The following SHISA9 variants were observed in gnomAD, a reference collection of about 807,000 sequenced individuals.
SHISA9 encodes the protein shisa family member 9.
A neutral mutation model predicts 38.0 loss-of-function variants in SHISA9; 13 were observed. The observed-to-expected ratio is 0.34, with a 90% CI of 0.22 to 0.54. The LOEUF (loss-of-function observed/expected upper bound fraction) is 0.54, where lower values mean the gene tolerates loss of function less well. SHISA9 is among the 20% of genes least tolerant of loss of function. The pLI is 0.91. For synonymous variants in SHISA9, 275 were observed against 242.0 expected (o/e 1.14, Z -1.27); for missense variants, 538 against 575.8 (o/e 0.93, Z 0.67).
At chr16:13,404,200 G>T in the SHISA9 span, among the ~76,000 whole-genome samples, 1 of 152,128 alleles carries the variant, frequency 6.6e-6, no homozygotes, top group Non-Finnish European at 1.5e-5. Context: ...TAGGGTATCT[G>T]TATGTAGCCA....
chr16:13,079,040 A>G (rs975312888), intron 2 of SHISA9, among the ~76,000 whole-genome samples: 6 of 152,194 alleles, frequency 3.9e-5, no homozygotes, highest in African/African-American at 1.4e-4. Flanking sequence ...GAGTTATTTA[A>G]TCCCTCTGAG....
At chr16:13,059,320 A>G (rs533225038) in intron 2 of SHISA9, among the ~76,000 whole-genome samples, 3 of 151,708 alleles carry the variant, frequency 2.0e-5, no homozygotes, top group Non-Finnish European at 2.9e-5. Flanking sequence ...GTAGAGACGG[A>G]GTTTCACTGT....
At chr16:13,426,252 T>C in the SHISA9 span, among the ~76,000 whole-genome samples, 8 of 152,200 alleles carry the variant, frequency 5.3e-5, no homozygotes, top group Non-Finnish European at 8.8e-5. Context: ...TCTCATTTAA[T>C]TCTCACAACA....
chr16:13,033,949 C>T (rs1476927095), intron 2 of SHISA9, among the ~76,000 whole-genome samples: 1 of 152,142 alleles, frequency 6.6e-6, no homozygotes, highest in Non-Finnish European at 1.5e-5. Flanking sequence ...AGTTTGCGAC[C>T]AGCCTAACTA....
chr16:13,011,337 G>C (rs919586730), intron 2 of SHISA9, among the ~76,000 whole-genome samples: 2 of 25,492 alleles, frequency 7.8e-5, no homozygotes, highest in African/African-American at 2.9e-4. Flanking sequence ...TTTTTTTTTT[G>C]GCAAGAGCAG....
the SHISA9 span, among the ~76,000 whole-genome samples, chr16:13,276,103 GT>G: frequency 8.6e-5 from 13 of 151,938 alleles, no homozygotes; most frequent in East Asian, 2.5e-3. Flanking sequence ...AGTCCCCAAA[GT>G]CCATTATCAT....
chr16:13,371,332 C>A, the SHISA9 span, among the ~76,000 whole-genome samples: 1 of 152,156 alleles, frequency 6.6e-6, no homozygotes, highest in Non-Finnish European at 1.5e-5. Context: ...GATTCTGATG[C>A]AATAGGTCTA....
At chr16:13,517,746 G>T in the SHISA9 span, among the ~76,000 whole-genome samples, 4 of 152,144 alleles carry the variant, frequency 2.6e-5, no homozygotes, top group Non-Finnish European at 5.9e-5. Flanking sequence ...TTACATGGCA[G>T]GCTGCTCAAA....
intron 4 of SHISA9, among the ~76,000 whole-genome samples, chr16:13,218,793 C>A (rs1013195790): frequency 6.6e-6 from 1 of 152,180 alleles, no homozygotes; most frequent in Non-Finnish European, 1.5e-5. Flanking sequence ...GAGAAATGCT[C>A]ATGCAGGAGG....
chr16:13,289,674 GAA>G, the SHISA9 span, among the ~76,000 whole-genome samples: 1 of 151,814 alleles, frequency 6.6e-6, no homozygotes, highest in Non-Finnish European at 1.5e-5. Context: ...GAGAGAGAGA[GAA>G]AGAGAGAGAG....
chr16:13,347,845 CCA>C, the SHISA9 span, among the ~76,000 whole-genome samples: 3 of 71,072 alleles, frequency 4.2e-5, no homozygotes, highest in East Asian at 2.4e-3. Context: ...ACGTACCCCC[CCA>C]CAAAGATGTC....
intron 2 of SHISA9, among the ~76,000 whole-genome samples, chr16:13,078,367 A>G (rs766979027): frequency 6.6e-6 from 1 of 152,012 alleles, no homozygotes; most frequent in Non-Finnish European, 1.5e-5. Context: ...TGTATTGTTT[A>G]TTTGTATTAT....
At chr16:12,908,193 G>C (rs1254524304) in intron 1 of SHISA9, among the ~76,000 whole-genome samples, 1 of 152,052 alleles carries the variant, frequency 6.6e-6, no homozygotes, top group African/African-American at 2.4e-5. Flanking sequence ...CTACTGAAGA[G>C]AATTATGTTG....
the SHISA9 span, among the ~76,000 whole-genome samples, chr16:13,402,946 G>A: frequency 7.9e-5 from 12 of 152,050 alleles, no homozygotes; most frequent in East Asian, 1.9e-4. Flanking sequence ...GTCAAACCCC[G>A]TCTCTACTAA....
chr16:13,346,559 T>A, the SHISA9 span, among the ~76,000 whole-genome samples: 42 of 152,202 alleles, frequency 2.8e-4, no homozygotes, highest in Non-Finnish European at 5.4e-4. Flanking sequence ...AACAAAAAAA[T>A]TGAGGTAATA....
At chr16:12,949,979 G>A (rs796930905) in intron 2 of SHISA9, among the ~76,000 whole-genome samples, 9 of 152,208 alleles carry the variant, frequency 5.9e-5, no homozygotes, top group African/African-American at 1.9e-4. Flanking sequence ...CTATCTAGCT[G>A]CAGTTTTGTA....
At chr16:13,477,984 C>A in the SHISA9 span, among the ~76,000 whole-genome samples, 1 of 152,116 alleles carries the variant, frequency 6.6e-6, no homozygotes, top group Non-Finnish European at 1.5e-5. Context: ...GTAAAATGAA[C>A]AAAAGACTAG....
chr16:13,041,727 C>T (rs546869367), intron 2 of SHISA9, among the ~76,000 whole-genome samples: 1 of 152,158 alleles, frequency 6.6e-6, no homozygotes, highest in African/African-American at 2.4e-5. Flanking sequence ...GCCAGCAGTT[C>T]TCAAACTGTA....
chr16:13,256,909 C>T, the SHISA9 span, among the ~76,000 whole-genome samples: 1 of 152,116 alleles, frequency 6.6e-6, no homozygotes, highest in African/African-American at 2.4e-5. Context: ...ATCAGTGAAC[C>T]TTCCCCCAGA....
Sources: allele counts gnomAD v4.1 joint callset (sites outside exome capture counted in the v4.1 genomes callset), GRCh38; gene constraint gnomAD v4.1.1; transcripts MANE v1.5; gene names NCBI Gene and HGNC (gene_info 2026-07-23, HGNC 2026-07-21).